Variants in TIGAR observed in about 807,000 individuals in gnomAD.
The protein encoded by TIGAR is fructose-2,6-bisphosphatase TIGAR.
TIGAR carries 7 observed loss-of-function variants against 17.9 expected under a neutral mutation model. The ratio of observed to expected loss-of-function variants is 0.39; its 90% CI spans 0.22 to 0.73. The LOEUF (loss-of-function observed/expected upper bound fraction) is 0.73, where lower values mean the gene tolerates loss of function less well. TIGAR is among the 30% of genes least tolerant of loss of function. TIGAR has a pLI of 0.42. For synonymous variants in TIGAR, 94 were observed against 108.6 expected, an observed-to-expected ratio of 0.87 and a Z score of 0.84; for missense variants, 258 against 327.4, an observed-to-expected ratio of 0.79 and a Z score of 1.64.
At chr12:4,342,610 C>T (rs952022880) in intron 3 of TIGAR, among the ~76,000 whole-genome samples, 5 of 152,146 alleles carry the variant, frequency 3.3e-5, no homozygotes, top group African/African-American at 1.2e-4. Context: ...GAATTTTCAA[C>T]CCAGAATTTC....
At chr12:4,338,545 A>G (rs961715213) in intron 3 of TIGAR, among the ~76,000 whole-genome samples, 7 of 152,210 alleles carry the variant, frequency 4.6e-5, no homozygotes, top group Non-Finnish European at 1.0e-4. Flanking sequence ...CTCTAGAAAT[A>G]TGTACAAGAA....
At chr12:4,341,278 G>C (rs1246145469) in intron 3 of TIGAR, among the ~76,000 whole-genome samples, 2 of 149,692 alleles carry the variant, frequency 1.3e-5, no homozygotes, top group Non-Finnish European at 3.0e-5. Context: ...ACAAAGAGAG[G>C]GGGGGCGGTT....
intron 3 of TIGAR, among the ~76,000 whole-genome samples, chr12:4,349,054 TAAC>T (rs934012684): frequency 1.3e-5 from 2 of 152,256 alleles, no homozygotes; most frequent in Non-Finnish European, 2.9e-5. Context: ...TGGATGGGTT[TAAC>T]AACAATTTAG....
chr12:4,352,125 A>G (rs1864843156), intron 5 of TIGAR, 135 bp from the exon 6 acceptor site: 1 of 675,366 alleles, frequency 1.5e-6, no homozygotes, highest in Non-Finnish European at 2.5e-6. Flanking sequence ...ATAGAAATGT[A>G]GATTGATATT....
intron 1 of TIGAR, 100 bp from the exon 2 acceptor site, chr12:4,331,180 A>T (rs1212068832): frequency 9.9e-7 from 1 of 1,011,500 alleles, no homozygotes; most frequent in Non-Finnish European, 1.6e-6. Flanking sequence ...GTTTCACATG[A>T]TATTTTTAGA....
chr12:4,329,367 C>A (rs537852980), intron 1 of TIGAR, among the ~76,000 whole-genome samples: 2 of 101,344 alleles, frequency 2.0e-5, no homozygotes, highest in African/African-American at 7.8e-5. Context: ...GAGACAGGGT[C>A]TTGCTCTCTC....
intron 1 of TIGAR, among the ~76,000 whole-genome samples, chr12:4,322,746 T>A (rs575184600): frequency 4.6e-5 from 7 of 152,318 alleles, no homozygotes; most frequent in Admixed American, 4.6e-4. Flanking sequence ...TAAAATTGTC[T>A]GTTTAGGATT....
At chr12:4,322,410 C>G (rs1864491255) in intron 1 of TIGAR, among the ~76,000 whole-genome samples, 1 of 152,218 alleles carries the variant, frequency 6.6e-6, no homozygotes, top group Non-Finnish European at 1.5e-5. Context: ...GCGTATCTCA[C>G]TACTTTAATG....
chr12:4,350,409 G>C (rs1387475715), intron 4 of TIGAR, among the ~76,000 whole-genome samples: 1 of 152,154 alleles, frequency 6.6e-6, no homozygotes, highest in Non-Finnish European at 1.5e-5. Context: ...AATGACCTAG[G>C]AGAAAGTTTT....
chr12:4,327,358 G>A (rs1054571978), intron 1 of TIGAR, among the ~76,000 whole-genome samples: 6 of 148,988 alleles, frequency 4.0e-5, no homozygotes, highest in Non-Finnish European at 8.9e-5. Flanking sequence ...GCAGTGAGCC[G>A]AGATCACACC....
intron 1 of TIGAR, among the ~76,000 whole-genome samples, chr12:4,327,458 C>G (rs553440515): frequency 3.4e-4 from 51 of 151,980 alleles, no homozygotes; most frequent in Non-Finnish European, 6.6e-4. Context: ...TAGAGATAGC[C>G]TGATTGGATA....
At chr12:4,329,027 T>G (rs1348997633) in intron 1 of TIGAR, among the ~76,000 whole-genome samples, 1 of 152,212 alleles carries the variant, frequency 6.6e-6, no homozygotes, top group Admixed American at 6.5e-5. Flanking sequence ...ATCCTTCCAT[T>G]GTTTCTTTGT....
chr12:4,345,682 T>A (rs1864771664), intron 3 of TIGAR, among the ~76,000 whole-genome samples: 1 of 152,072 alleles, frequency 6.6e-6, no homozygotes, highest in Admixed American at 6.5e-5. Flanking sequence ...GCAATACCAT[T>A]CAGGACATAG....
intron 3 of TIGAR, among the ~76,000 whole-genome samples, chr12:4,340,507 T>C (rs960035848): frequency 3.9e-5 from 6 of 152,214 alleles, no homozygotes; most frequent in Admixed American, 3.9e-4. Flanking sequence ...GCAATTTCTA[T>C]CAAAATACCA....
chr12:4,326,913 C>T lies in TIGAR; in HGVS notation c.33-4367C>T, dbSNP rs927818105. Among the ~76,000 whole-genome samples the T allele has an allele frequency of 2.6e-5, 4 of 152,260 alleles. No individual in the cohort carries two copies. In the South Asian group the frequency reaches 8.3e-4, roughly 32 times the overall value. On this transcript the variant is annotated intron_variant, in intron 1 of 5. Coordinates refer to ENST00000179259, the MANE Select transcript of TIGAR (RefSeq NM_020375.3). ...GTTGGCAAATTATTAAATTTCTTCT[C>T]ACCCCTCATTTCAAAATGAGGGTGC...
chr12:4,358,012 T>G lies in TIGAR; in HGVS notation c.*5321T>G, dbSNP rs144088013. ...CCAGCTACTTGGGAGGCTGAGGCAG[T>G]AGAATGGCGTGAACCCGGGAGGTGG... On this transcript the variant is annotated 3_prime_UTR_variant, in exon 6 of 6. Transcript: ENST00000179259. Among the ~76,000 whole-genome samples, 1,278 of 149,404 alleles carry G rather than the reference T, an allele frequency of 8.6e-3. 2 individuals are homozygous for G. The highest frequency in any genetic ancestry group is 0.013 in the Non-Finnish European group (862 of 67,634).
At chr12:4,341,929 G>A (rs11063093) in intron 3 of TIGAR, among the ~76,000 whole-genome samples, 44,841 of 152,038 alleles carry the variant, frequency 0.29, 7,163 homozygotes, top group East Asian at 0.57. Context: ...CAGATGATCA[G>A]ACTTCTCTGA....
rs1235131473 is a variant in TIGAR, at chr12:4,355,708, G to A, written c.*3017G>A. On this transcript the variant is annotated 3_prime_UTR_variant, in exon 6 of 6. Coordinates refer to ENST00000179259, the MANE Select transcript of TIGAR (RefSeq NM_020375.3). ...AAGTCTCTGTCCTTGTGGAACATTT[G>A]TTCTGTCAGAGAAGACAGTGTGTTG... 6.6e-6 allele frequency among the ~76,000 whole-genome samples: 1 copy of A among 152,216 alleles called. No individual in the cohort carries two copies.
In TIGAR at chr12:4,356,564, C is replaced by G. The variant is rs1864904791; in HGVS notation, c.*3873C>G. Among the ~76,000 whole-genome samples the G allele has an allele frequency of 6.6e-6, 1 of 152,134 alleles. No homozygotes were observed. The highest frequency in any genetic ancestry group is 1.5e-5 in the Non-Finnish European group (1 of 68,022). ...CAGTGCATCTGTTACCATCGGTGAG[C>G]CCACATTACACTGACATATCCACAT... On this transcript the variant is annotated 3_prime_UTR_variant, in exon 6 of 6. Coordinates refer to ENST00000179259, the MANE Select transcript of TIGAR (RefSeq NM_020375.3).
Sources: allele counts gnomAD v4.1 joint callset (sites outside exome capture counted in the v4.1 genomes callset), GRCh38; gene constraint gnomAD v4.1.1; transcripts MANE v1.5; gene names NCBI Gene and HGNC (gene_info 2026-07-23, HGNC 2026-07-21).